The following CPE variants were observed in gnomAD, a reference collection of about 807,000 sequenced individuals.
CPE encodes the protein carboxypeptidase E.
A neutral mutation model predicts 53.5 loss-of-function variants in CPE; 17 were observed. The observed-to-expected ratio is 0.32, with a 90% confidence interval of 0.22 to 0.48. CPE has a LOEUF of 0.48. CPE is among the 20% of genes least tolerant of loss of function. CPE has a pLI of 0.99. For missense variants in CPE, 524 were observed against 614.7 expected (o/e 0.85, Z 1.56); for synonymous variants, 226 against 228.8 (o/e 0.99, Z 0.11).
chr4:165,457,940 A>G (rs1731931749), intron 1 of CPE, among the ~76,000 whole-genome samples: 1 of 152,182 alleles, frequency 6.6e-6, no homozygotes, highest in South Asian at 2.1e-4. Flanking sequence ...TCCTTTAGGA[A>G]TATGCCCAGC....
chr4:165,455,654 TA>T (rs1438162470), intron 1 of CPE, among the ~76,000 whole-genome samples: 51 of 138,008 alleles, frequency 3.7e-4, no homozygotes, highest in African/African-American at 1.6e-3. Flanking sequence ...AAGTCAAAGG[TA>T]TTTTTTTTTT....
At chr4:165,433,478 T>G (rs1048398860) in intron 1 of CPE, among the ~76,000 whole-genome samples, 10 of 152,184 alleles carry the variant, frequency 6.6e-5, no homozygotes, top group Non-Finnish European at 1.2e-4. Context: ...TGACTTCTTT[T>G]CCTTATTATC....
chr4:165,477,288 A>G (rs1365708966), intron 3 of CPE, among the ~76,000 whole-genome samples: 2 of 152,232 alleles, frequency 1.3e-5, no homozygotes, highest in Admixed American at 6.5e-5. Flanking sequence ...CTATTTTTTA[A>G]TAAGAGCTTT....
At chr4:165,427,981 A>G (rs942578561) in intron 1 of CPE, among the ~76,000 whole-genome samples, 3 of 151,970 alleles carry the variant, frequency 2.0e-5, no homozygotes, top group Non-Finnish European at 2.9e-5. Context: ...ATTTCAGATT[A>G]TGCATTTTTA....
At chr4:165,442,534 A>G (rs548193148) in intron 1 of CPE, among the ~76,000 whole-genome samples, 1 of 152,338 alleles carries the variant, frequency 6.6e-6, no homozygotes, top group African/African-American at 2.4e-5. Flanking sequence ...CCCCATAAAC[A>G]TCAAAACATC....
chr4:165,494,244 G>T (rs1408434586), intron 7 of CPE, among the ~76,000 whole-genome samples: 1 of 152,166 alleles, frequency 6.6e-6, no homozygotes, highest in Non-Finnish European at 1.5e-5. Flanking sequence ...TAGTATCCCT[G>T]CCACAAGAAA....
In CPE at chr4:165,493,277, C is replaced by A; in HGVS notation, c.1213+7C>A. 1 of 1,599,204 alleles carries A rather than the reference C, an allele frequency of 6.3e-7. No homozygotes were observed. ...GACCACGATGTTACATCCGGTGGGTCTTTGCCACAATTGGAGGCTCTACGT... is the reference window on the plus strand; with the variant it reads ...GACCACGATGTTACATCCGGTGGGTATTTGCCACAATTGGAGGCTCTACGT... On this transcript the variant is annotated splice_region_variant and intron_variant, in intron 7 of 8. Coordinates refer to ENST00000402744, the MANE Select transcript of CPE (RefSeq NM_001873.4).
intron 5 of CPE, among the ~76,000 whole-genome samples, chr4:165,485,622 T>G (rs1213280773): frequency 6.6e-6 from 1 of 152,198 alleles, no homozygotes; most frequent in Non-Finnish European, 1.5e-5. Flanking sequence ...ATACTTTAGT[T>G]TTTATAAAAA....
intron 1 of CPE, among the ~76,000 whole-genome samples, chr4:165,442,466 T>C (rs565750738): frequency 6.6e-6 from 1 of 152,286 alleles, no homozygotes; most frequent in South Asian, 2.1e-4. Context: ...GGGAATAAAC[T>C]CAACATACAG....
At chr4:165,414,903 A>G (rs1731097313) in intron 1 of CPE, among the ~76,000 whole-genome samples, 1 of 152,112 alleles carries the variant, frequency 6.6e-6, no homozygotes, top group South Asian at 2.1e-4. Context: ...ACATTACAAA[A>G]TGCCAGATTG....
chr4:165,430,555 A>G (rs1731393880), intron 1 of CPE, among the ~76,000 whole-genome samples: 1 of 152,192 alleles, frequency 6.6e-6, no homozygotes, highest in Admixed American at 6.5e-5. Context: ...GACTTTCAAA[A>G]ATTTATAATA....
chr4:165,471,860 T>C (rs996578772), intron 3 of CPE, among the ~76,000 whole-genome samples: 2 of 152,234 alleles, frequency 1.3e-5, no homozygotes, highest in African/African-American at 2.4e-5. Flanking sequence ...AAGGAGAGCA[T>C]GCCATTCCAG....
At chr4:165,448,169 C>T (rs1579266051) in intron 1 of CPE, among the ~76,000 whole-genome samples, 1 of 151,948 alleles carries the variant, frequency 6.6e-6, no homozygotes, top group Admixed American at 6.6e-5. Context: ...AGTGTGTTGA[C>T]CTATAGAGGG....
intron 1 of CPE, among the ~76,000 whole-genome samples, chr4:165,400,249 G>T (rs779739543): frequency 1.7e-4 from 26 of 152,220 alleles, no homozygotes; most frequent in Non-Finnish European, 2.8e-4. Flanking sequence ...GAGGACAGAG[G>T]AAAAGATTTA....
At position 165,404,083 on chromosome 4, in the gene CPE, G is replaced by A; in HGVS notation, c.307+24555G>A. 1.2e-5 allele frequency: 11 copies of A among 933,826 alleles called. No individual in the cohort carries two copies. In the South Asian group the frequency reaches 1.4e-4, roughly 12 times the overall value. The allele number at this position is 933,826 out of a possible 1,614,324, so 57.8% of individuals were successfully genotyped here. A position where few individuals can be genotyped will look rare whatever the true frequency, so the allele number is the denominator to read the frequency against. On this transcript the variant is annotated intron_variant, in intron 1 of 8. Coordinates refer to ENST00000402744, the MANE Select transcript of CPE (RefSeq NM_001873.4). The stretch of plus-strand genomic sequence containing the variant: ...GGCCTGCTCACTGATGAAACTTCTT[G>A]TTAGGGCTGTTAGTGTGGTCAGCTA...
chr4:165,416,998 C>T (rs1731136410), intron 1 of CPE, among the ~76,000 whole-genome samples: 1 of 152,112 alleles, frequency 6.6e-6, no homozygotes, highest in Admixed American at 6.6e-5. Context: ...TCACTGTAAT[C>T]TTGCAGGACT....
At chr4:165,405,852 A>T in intron 1 of CPE, 2 of 745,412 alleles carry the variant, frequency 2.7e-6, no homozygotes, top group Non-Finnish European at 5.0e-6. Context: ...GCAAGACTTC[A>T]GGAGCACCGA....
chr4:165,498,222 G>A lies in CPE; in HGVS notation c.*612G>A, dbSNP rs1451528440. 6.6e-6 allele frequency: 1 copy of A among 152,114 alleles called. No individual in the cohort carries two copies. The highest frequency in any genetic ancestry group is 2.4e-5 in the African/African-American group (1 of 41,412). The allele number at this position is 152,114 out of a possible 1,614,324, so 9.4% of individuals were successfully genotyped here. ...TATAGGAGCAATACTATTATATTAT[G>A]TAGTCCGTTAACACTACTTAAAAGT... On this transcript the variant is annotated 3_prime_UTR_variant, in exon 9 of 9. Coordinates refer to ENST00000402744, the MANE Select transcript of CPE (RefSeq NM_001873.4).
chr4:165,402,844 G>T (rs1196762638), intron 1 of CPE, among the ~76,000 whole-genome samples: 3 of 152,142 alleles, frequency 2.0e-5, no homozygotes, highest in African/African-American at 7.2e-5. Flanking sequence ...ACTCTCCCCC[G>T]AAGAGGAGTC....
Sources: gnomAD v4.1 joint callset for allele counts (sites outside exome capture counted in the v4.1 genomes callset) on GRCh38, gnomAD v4.1.1 for gene constraint, MANE v1.5 for transcripts, NCBI Gene and HGNC (gene_info 2026-07-23, HGNC 2026-07-21) for gene names.